KTN1: variants seen among roughly 807,000 people sequenced by gnomAD.
KTN1 encodes kinectin 1.
Under a neutral mutation model 222.5 loss-of-function variants are expected in KTN1, and 130 were observed. The observed-to-expected ratio is 0.58, with a 90% CI of 0.51 to 0.68. The LOEUF is 0.68. Among genes scored for constraint, KTN1 ranks in the 30% least tolerant of loss-of-function variants. KTN1 has a pLI of 0.00. For missense variants in KTN1, 1,508 were observed against 1,500.4 expected (o/e 1.01, Z -0.08); for synonymous variants, 512 against 496.3 (o/e 1.03, Z -0.42).
chr14:55,680,384 T>TC (rs1337638896), intron 43 of KTN1: 1 of 164,166 alleles, frequency 6.1e-6, no homozygotes, highest in Non-Finnish European at 1.3e-5. Context: ...TTTTTTTTTT[T>TC]CTGTTGCTAC....
At chr14:55,590,798 C>T (rs1220743831) in intron 1 of KTN1, among the ~76,000 whole-genome samples, 7 of 151,974 alleles carry the variant, frequency 4.6e-5, no homozygotes, top group Non-Finnish European at 8.8e-5. Flanking sequence ...GCATCAGCCT[C>T]TTGAGTAGCT....
intron 41 of KTN1, 121 bp from the exon 42 acceptor site, chr14:55,678,231 G>C: frequency 1.6e-6 from 1 of 625,282 alleles, no homozygotes; most frequent in East Asian, 2.8e-5. Context: ...ATTTTGGAGG[G>C]AAAAACCTGT....
chr14:55,652,688 T>C lies in KTN1; in HGVS notation c.2604-162T>C, dbSNP rs185181738. Among the ~76,000 whole-genome samples, 695 of 152,342 alleles carry C rather than the reference T, an allele frequency of 4.6e-3. 1 individual carries two copies. The highest frequency in any genetic ancestry group is 0.013 in the African/African-American group (541 of 41,584). On this transcript the variant is annotated intron_variant, in intron 25 of 43. Transcript: ENST00000395314. ...TGTTGGGATTACAGGCGTGAGCCAC[T>C]GCGCCTGGCCTTGTATGCCTTTATA...
intron 6 of KTN1, 138 bp from the exon 7 acceptor site, chr14:55,629,819 T>C (rs2040311460): frequency 9.0e-6 from 6 of 664,364 alleles, no homozygotes; most frequent in Non-Finnish European, 2.6e-6. Flanking sequence ...TTGACCTTGC[T>C]TTTTTTAAGC....
At chr14:55,661,988 A>G (rs929942447) in intron 32 of KTN1, 1 of 157,904 alleles carries the variant, frequency 6.3e-6, no homozygotes, top group Non-Finnish European at 1.4e-5. Flanking sequence ...CCTTTTTGTA[A>G]ACTAAAAGTA....
Position 55,580,253 on chromosome 14 carries a change from T to TGCG in KTN1, c.-107_-105dup, listed in dbSNP as rs534439479. 3,008 of 153,894 alleles carry TGCG rather than the reference T, an allele frequency of 0.02. 56 individuals are homozygous for TGCG. The highest frequency in any genetic ancestry group is 0.044 in the East Asian group (229 of 5,242). The allele number at this position is 153,894 out of a possible 1,614,324, so 9.5% of individuals were successfully genotyped here. A position where few individuals can be genotyped will look rare whatever the true frequency, so the allele number is the denominator to read the frequency against. ...AGCGGCGCGACGGCACCTGAGCGAC[T>TGCG]GCGGCGGCGGCGGCGGCGGCGGCGG... On this transcript the variant is annotated 5_prime_UTR_variant, in exon 1 of 44. Transcript: ENST00000395314.
chr14:55,610,727 G>T (rs2037420779), intron 1 of KTN1, among the ~76,000 whole-genome samples: 1 of 152,152 alleles, frequency 6.6e-6, no homozygotes, highest in South Asian at 2.1e-4. Context: ...AAGAATACAA[G>T]TCACTTTTAT....
chr14:55,614,649 T>C (rs537988391), intron 2 of KTN1, among the ~76,000 whole-genome samples: 89 of 152,356 alleles, frequency 5.8e-4, no homozygotes, highest in African/African-American at 2.1e-3. Context: ...TCAGTACTCA[T>C]AAAGTGTTTT....
chr14:55,656,285 G>A, intron 29 of KTN1, 153 bp downstream of exon 29: 1 of 596,118 alleles, frequency 1.7e-6, no homozygotes, highest in Non-Finnish European at 3.0e-6. Flanking sequence ...TTTTGAGTAA[G>A]TACCCATGCA....
intron 1 of KTN1, among the ~76,000 whole-genome samples, chr14:55,583,812 C>G (rs566371654): frequency 6.6e-6 from 1 of 152,128 alleles, no homozygotes; most frequent in Admixed American, 6.5e-5. Flanking sequence ...ACTAAATTTC[C>G]GTATTTTTCC....
intron 29 of KTN1, among the ~76,000 whole-genome samples, chr14:55,657,603 C>T (rs1566815507): frequency 6.6e-6 from 1 of 152,034 alleles, no homozygotes; most frequent in African/African-American, 2.4e-5. Context: ...AGAAAGGTAT[C>T]TCTCTACGAT....
rs117236880 is a variant in KTN1, at chr14:55,678,649, G to A, written c.3948+205G>A. 4.1e-3 allele frequency: 2,013 copies of A among 494,088 alleles called. 9 individuals carry two copies. Among genetic ancestry groups the A allele is most frequent in the Non-Finnish European group, 5.9e-3 (1,602 of 272,446 alleles). The allele number at this position is 494,088 out of a possible 1,614,324, so 30.6% of individuals were successfully genotyped here. A position where few individuals can be genotyped will look rare whatever the true frequency, so the allele number is the denominator to read the frequency against. ...AGGGTTGTGTTGAGAGGTATGGAGC[G>A]GGGGTCCCCAATTCCTGGACTGTGG... On this transcript the variant is annotated intron_variant, in intron 42 of 43. Coordinates refer to ENST00000395314, the MANE Select transcript of KTN1 (RefSeq NM_001079521.2).
rs1291545135 is a variant in KTN1 at position 55,630,017 on chromosome 14, G to A, written c.1141G>A (p.Gly381Arg). 6.3e-7 allele frequency: 1 copy of A among 1,599,582 alleles called. No homozygotes were observed. Among genetic ancestry groups the A allele is most frequent in the South Asian group, 1.1e-5 (1 of 90,740 alleles). Residue 381 changes from glycine to arginine, a missense_variant, in exon 7 of 44, where the codon GGA becomes AGA. Physicochemically the swap from Gly to Arg is moderately radical, Grantham distance 125 (BLOSUM62 -2). Coordinates refer to ENST00000395314, the MANE Select transcript of KTN1 (RefSeq NM_001079521.2). ...TATAACAAGGATGAAAGATCGAATT[G>A]GAACATTAGAAAAGGAACATAATGT... ...VVITRMKDRI[G>R]TLEKEHNVFQ...
intron 1 of KTN1, among the ~76,000 whole-genome samples, chr14:55,591,553 T>C (rs1346847571): frequency 6.6e-6 from 1 of 151,964 alleles, no homozygotes; most frequent in African/African-American, 2.4e-5. Context: ...ATACATTGTA[T>C]GTCTTGCATT....
chr14:55,645,905 A>G (rs1595067731), intron 18 of KTN1, among the ~76,000 whole-genome samples: 2 of 152,330 alleles, frequency 1.3e-5, no homozygotes, highest in South Asian at 4.1e-4. Flanking sequence ...TCATTTGTAA[A>G]AAATGATTGT....
At chr14:55,666,514 T>C (rs1469551250) in intron 33 of KTN1, among the ~76,000 whole-genome samples, 1 of 151,894 alleles carries the variant, frequency 6.6e-6, no homozygotes, top group Non-Finnish European at 1.5e-5. Flanking sequence ...AACCATGGTT[T>C]TGAGTTTATA....
chr14:55,611,873 A>T, intron 1 of KTN1, 146 bp from the exon 2 acceptor site: 1 of 372,046 alleles, frequency 2.7e-6, no homozygotes, highest in Non-Finnish European at 4.8e-6. Context: ...TAAATCAAGA[A>T]TGTGATTTAA....
intron 2 of KTN1, among the ~76,000 whole-genome samples, chr14:55,615,468 T>A (rs2038212350): frequency 6.6e-6 from 1 of 150,906 alleles, no homozygotes; most frequent in Non-Finnish European, 1.5e-5. Context: ...ATAAGTGAAA[T>A]TATACGATAT....
At chr14:55,602,931 A>G (rs2036197847) in intron 1 of KTN1, among the ~76,000 whole-genome samples, 1 of 152,144 alleles carries the variant, frequency 6.6e-6, no homozygotes, top group Non-Finnish European at 1.5e-5. Context: ...CTCATTTCGT[A>G]AAGAGAATAG....
Sources: allele counts gnomAD v4.1 joint callset (sites outside exome capture counted in the v4.1 genomes callset), GRCh38; gene constraint gnomAD v4.1.1; transcripts MANE v1.5; gene names NCBI Gene and HGNC (gene_info 2026-07-23, HGNC 2026-07-21).